The following RAB3IP variants were observed in gnomAD, a reference collection of about 807,000 sequenced individuals.
RAB3IP encodes the protein RAB3A interacting protein.
RAB3IP carries 36 observed loss-of-function variants against 59.1 expected under a neutral mutation model. That is an observed-to-expected ratio of 0.61 (90% CI 0.47 to 0.80). The LOEUF (loss-of-function observed/expected upper bound fraction) is 0.80. RAB3IP is among the 30% of genes least tolerant of loss of function. RAB3IP has a pLI of 0.00. For synonymous variants in RAB3IP, 207 were observed against 191.2 expected, an observed-to-expected ratio of 1.08 and a Z score of -0.68; for missense variants, 511 against 536.0, an observed-to-expected ratio of 0.95 and a Z score of 0.46.
chr12:69,760,422 G>C (rs1387684160), intron 3 of RAB3IP, among the ~76,000 whole-genome samples: 1 of 151,896 alleles, frequency 6.6e-6, no homozygotes, highest in African/African-American at 2.4e-5. Context: ...ACTGTGGGGA[G>C]AGGGAGAGGG....
At chr12:69,765,555 G>A (rs925524005) in intron 3 of RAB3IP, among the ~76,000 whole-genome samples, 2 of 152,174 alleles carry the variant, frequency 1.3e-5, no homozygotes, top group South Asian at 4.1e-4. Flanking sequence ...TTTTGTTGAG[G>A]ATTTTTGAAT....
At chr12:69,759,703 C>A (rs1263939461) in intron 3 of RAB3IP, among the ~76,000 whole-genome samples, 6 of 148,838 alleles carry the variant, frequency 4.0e-5, no homozygotes, top group Admixed American at 6.6e-5. Context: ...CAGGGGCTGA[C>A]CCCCCACCTC....
intron 8 of RAB3IP, among the ~76,000 whole-genome samples, chr12:69,807,174 G>C (rs1226091926): frequency 2.0e-5 from 3 of 151,592 alleles, no homozygotes; most frequent in Admixed American, 1.3e-4. Flanking sequence ...TGGCCGGGCA[G>C]AGGAGCTCCT....
intron 6 of RAB3IP, chr12:69,795,950 A>C (rs896826042): frequency 1.3e-5 from 2 of 152,756 alleles, no homozygotes; most frequent in African/African-American, 4.8e-5. Context: ...TTATTCAGAC[A>C]CTTACAACTA....
At chr12:69,748,802 T>C (rs897652569) in intron 1 of RAB3IP, among the ~76,000 whole-genome samples, 3 of 152,232 alleles carry the variant, frequency 2.0e-5, no homozygotes, top group Admixed American at 6.5e-5. Context: ...ATTTTACTCT[T>C]ATAAAGACGT....
intron 3 of RAB3IP, among the ~76,000 whole-genome samples, chr12:69,759,038 G>A (rs1171878069): frequency 6.6e-6 from 1 of 150,540 alleles, no homozygotes; most frequent in Non-Finnish European, 1.5e-5. Context: ...CGCAGAGGGG[G>A]ATTTGGCAGG....
At chr12:69,768,221 C>T (rs1054551089) in intron 3 of RAB3IP, among the ~76,000 whole-genome samples, 10 of 152,308 alleles carry the variant, frequency 6.6e-5, no homozygotes, top group African/African-American at 2.4e-4. Flanking sequence ...TGGAGATCTG[C>T]CTGGGCATGG....
intron 3 of RAB3IP, among the ~76,000 whole-genome samples, chr12:69,765,757 C>T (rs1872098228): frequency 6.6e-6 from 1 of 152,200 alleles, no homozygotes; most frequent in African/African-American, 2.4e-5. Context: ...GAGAGGATCT[C>T]TAATTTTTGT....
intron 3 of RAB3IP, among the ~76,000 whole-genome samples, chr12:69,781,012 G>A (rs952646651): frequency 1.3e-5 from 2 of 152,056 alleles, no homozygotes; most frequent in Non-Finnish European, 2.9e-5. Flanking sequence ...GTTCATAAAT[G>A]TACTTGGGTT....
intron 3 of RAB3IP, among the ~76,000 whole-genome samples, chr12:69,780,035 A>G (rs1874406231): frequency 6.6e-6 from 1 of 152,192 alleles, no homozygotes; most frequent in Non-Finnish European, 1.5e-5. Context: ...TGACTGCTGC[A>G]GCCATTTCAG....
At chr12:69,788,879 A>T (rs1422712942) in intron 4 of RAB3IP, among the ~76,000 whole-genome samples, 5 of 152,150 alleles carry the variant, frequency 3.3e-5, no homozygotes, top group Admixed American at 3.3e-4. Flanking sequence ...GAATTCAATT[A>T]GGAATCAATA....
At chr12:69,791,267 G>A (rs1876564216) in intron 4 of RAB3IP, among the ~76,000 whole-genome samples, 1 of 152,102 alleles carries the variant, frequency 6.6e-6, no homozygotes, top group African/African-American at 2.4e-5. Context: ...TCTTGACATT[G>A]GTCTGGGCAG....
intron 1 of RAB3IP, among the ~76,000 whole-genome samples, chr12:69,744,279 TAATTA>T (rs1009890364): frequency 6.6e-6 from 1 of 152,140 alleles, no homozygotes; most frequent in Admixed American, 6.5e-5. Flanking sequence ...TAAATATTTG[TAATTA>T]AATATTAGCT....
intron 1 of RAB3IP, among the ~76,000 whole-genome samples, chr12:69,740,889 C>T (rs74101317): frequency 0.018 from 2,781 of 152,116 alleles, 89 homozygotes; most frequent in African/African-American, 0.063. Context: ...TTTTTTCCTC[C>T]TCAACAGGAG....
chr12:69,801,314 T>G (rs1878336077), intron 7 of RAB3IP, among the ~76,000 whole-genome samples: 1 of 152,216 alleles, frequency 6.6e-6, no homozygotes, highest in South Asian at 2.1e-4. Flanking sequence ...GAAGTGGCAT[T>G]AACTGTGGAT....
chr12:69,745,868 G>A (rs906383843), intron 1 of RAB3IP, among the ~76,000 whole-genome samples: 1 of 152,142 alleles, frequency 6.6e-6, no homozygotes, highest in African/African-American at 2.4e-5. Context: ...AGTGGAGTTA[G>A]GTGTTAGAGT....
chr12:69,798,833 G>T (rs1189236997), intron 6 of RAB3IP, among the ~76,000 whole-genome samples: 5 of 152,090 alleles, frequency 3.3e-5, no homozygotes, highest in Non-Finnish European at 7.4e-5. Context: ...TCATTAGTGT[G>T]TGCTCATATA....
chr12:69,781,621 T>G (rs1874724400), intron 3 of RAB3IP, among the ~76,000 whole-genome samples: 1 of 152,240 alleles, frequency 6.6e-6, no homozygotes. Flanking sequence ...GTTGGAATCA[T>G]ATAGTGTGTA....
At chr12:69,814,565 C>T (rs991256459) in intron 10 of RAB3IP, among the ~76,000 whole-genome samples, 3 of 151,660 alleles carry the variant, frequency 2.0e-5, no homozygotes, top group Non-Finnish European at 2.9e-5. Flanking sequence ...AATAGCATCC[C>T]TAGCTTTTAC....
Sources: allele counts gnomAD v4.1 joint callset (sites outside exome capture counted in the v4.1 genomes callset), GRCh38; gene constraint gnomAD v4.1.1; transcripts MANE v1.5; gene names NCBI Gene and HGNC (gene_info 2026-07-23, HGNC 2026-07-21).